The following CBLN2 variants were observed in gnomAD, a reference collection of about 807,000 sequenced individuals.
CBLN2 encodes the protein cerebellin 2 precursor, also known as cerebellin-2.
Under a neutral mutation model 15.0 loss-of-function variants are expected in CBLN2, and 7 were observed. The observed-to-expected ratio is 0.47, with a 90% CI of 0.27 to 0.88. CBLN2 has a LOEUF of 0.88. CBLN2 is among the 40% of genes least tolerant of loss of function. The pLI is 0.14. For synonymous variants in CBLN2, 149 were observed against 135.2 expected, an observed-to-expected ratio of 1.10 and a Z score of -0.71; for missense variants, 242 against 304.5, an observed-to-expected ratio of 0.79 and a Z score of 1.53.
chr18:72,593,334 C>A lies in CBLN2; in HGVS notation c.15+44991G>T, dbSNP rs564551898. On this transcript the variant is annotated intron_variant, in intron 1 of 2. Coordinates refer to the CBLN2 transcript ENST00000581073. ...TTTTCATTGTCGGCATATAGAAATG[C>A]TACCAATTTTTGTATGTTGACTTTG... Among the ~76,000 whole-genome samples, 3 of 152,200 alleles carry A rather than the reference C, an allele frequency of 2.0e-5. No individual in the cohort carries two copies. The East Asian group carries it at 5.8e-4, about 29-fold the overall frequency.
chr18:72,585,145 C>T (rs1218059472), intron 1 of CBLN2, among the ~76,000 whole-genome samples: 1 of 152,244 alleles, frequency 6.6e-6, no homozygotes, highest in Non-Finnish European at 1.5e-5. Flanking sequence ...CCCTGGCTCA[C>T]AGAGCTCCTA....
Position 72,549,889 on chromosome 18 carries a change from A to G in CBLN2, c.16-11117T>C, listed in dbSNP as rs1216391563. ...TGGGCAAATGCTTACCTAGGGTTGA[A>G]GATTTTACGTGTTTTTGTGAAAAAA... On this transcript the variant is annotated intron_variant, in intron 1 of 2. Transcript: ENST00000581073. Among the ~76,000 whole-genome samples the G allele has an allele frequency of 3.3e-5, 5 of 151,704 alleles. No individual in the cohort carries two copies. The East Asian group carries it at 1.0e-3, about 31-fold the overall frequency.
chr18:72,539,223 A>G (rs649279), intron 3 of CBLN2: 147,368 of 161,050 alleles, frequency 0.92, 68,130 homozygotes, highest in Non-Finnish European at 0.98. Flanking sequence ...TCCATTCTGA[A>G]TGGGTAGAGA....
At chr18:72,583,419 C>T (rs370060951) in intron 1 of CBLN2, among the ~76,000 whole-genome samples, 2 of 152,122 alleles carry the variant, frequency 1.3e-5, no homozygotes, top group African/African-American at 2.4e-5. Context: ...CAAGCATACA[C>T]TCATGCTATA....
At chr18:72,637,472 T>C (rs762905247) in intron 1 of CBLN2, among the ~76,000 whole-genome samples, 14 of 152,184 alleles carry the variant, frequency 9.2e-5, no homozygotes, top group South Asian at 6.2e-4. Context: ...CAGCTGGTGG[T>C]TTTTCTGGGC....
At chr18:72,588,902 A>G (rs2069459986) in intron 1 of CBLN2, among the ~76,000 whole-genome samples, 2 of 152,230 alleles carry the variant, frequency 1.3e-5, no homozygotes, top group Non-Finnish European at 2.9e-5. Flanking sequence ...GGCAGGAAGG[A>G]AAAGTGCGCG....
At chr18:72,552,328 C>T (rs1191743349) in intron 1 of CBLN2, among the ~76,000 whole-genome samples, 3 of 152,080 alleles carry the variant, frequency 2.0e-5, no homozygotes, top group Non-Finnish European at 4.4e-5. Flanking sequence ...AGGTGATCCA[C>T]CTGCCTTGAC....
At chr18:72,616,959 C>T (rs1344224266) in intron 1 of CBLN2, among the ~76,000 whole-genome samples, 1 of 152,088 alleles carries the variant, frequency 6.6e-6, no homozygotes, top group East Asian at 1.9e-4. Context: ...AATCATTAAA[C>T]CTTTTAACAC....
chr18:72,550,597 A>C (rs1483043707), intron 1 of CBLN2, among the ~76,000 whole-genome samples: 1 of 152,236 alleles, frequency 6.6e-6, no homozygotes. Flanking sequence ...TTGAAGCCTA[A>C]GCAACTAGAA....
At chr18:72,634,854 T>C (rs1209853123) in intron 1 of CBLN2, among the ~76,000 whole-genome samples, 1 of 152,178 alleles carries the variant, frequency 6.6e-6, no homozygotes, top group African/African-American at 2.4e-5. Flanking sequence ...GCAAGCATGT[T>C]TGCTTTTGGA....
At chr18:72,560,436 C>A (rs891723228) in intron 1 of CBLN2, among the ~76,000 whole-genome samples, 1 of 151,362 alleles carries the variant, frequency 6.6e-6, no homozygotes, top group Admixed American at 6.6e-5. Context: ...TTAAGACAAC[C>A]TAGAGAATTA....
intron 1 of CBLN2, chr18:72,619,092 A>T: frequency 4.0e-6 from 3 of 747,978 alleles, no homozygotes; most frequent in Non-Finnish European, 7.3e-6. Flanking sequence ...ACCCATGAAG[A>T]GAGTAAATTT....
At chr18:72,575,570 C>G (rs1236479) in intron 1 of CBLN2, among the ~76,000 whole-genome samples, 147,117 of 152,176 alleles carry the variant, frequency 0.97, 71,254 homozygotes, top group Non-Finnish European at 1. Context: ...AGGTCCTGTA[C>G]TAAAAGCCCT....
At chr18:72,578,153 A>G (rs540434414) in intron 1 of CBLN2, among the ~76,000 whole-genome samples, 311 of 152,296 alleles carry the variant, frequency 2.0e-3, no homozygotes, top group African/African-American at 7.1e-3. Flanking sequence ...AGCACCTGGT[A>G]TACTATAAAC....
At chr18:72,597,908 C>T (rs372544019) in intron 1 of CBLN2, among the ~76,000 whole-genome samples, 91 of 152,304 alleles carry the variant, frequency 6.0e-4, no homozygotes, top group African/African-American at 1.9e-3. Flanking sequence ...GCAATGCATG[C>T]CGCCAGGCCT....
At chr18:72,555,616 T>C (rs1008466651) in intron 1 of CBLN2, among the ~76,000 whole-genome samples, 1 of 152,240 alleles carries the variant, frequency 6.6e-6, no homozygotes, top group African/African-American at 2.4e-5. Context: ...CCATTTAATT[T>C]ATCATAAGCA....
upstream of CBLN2, among the ~76,000 whole-genome samples, chr18:72,545,677 T>TA (rs75405354): frequency 0.021 from 3,247 of 152,326 alleles, 51 homozygotes; most frequent in South Asian, 0.043. Context: ...AGAACTGATT[T>TA]AAGTGTAAGC....
intron 1 of CBLN2, among the ~76,000 whole-genome samples, chr18:72,580,308 T>C (rs2069394900): frequency 6.6e-6 from 1 of 152,160 alleles, no homozygotes; most frequent in African/African-American, 2.4e-5. Flanking sequence ...TACTAACTCA[T>C]GCCAAAAATA....
At chr18:72,548,177 T>C (rs546702984), upstream of CBLN2, among the ~76,000 whole-genome samples, 2 of 152,296 alleles carry the variant, frequency 1.3e-5, no homozygotes, top group South Asian at 4.1e-4. Flanking sequence ...TGCGTGCCAC[T>C]AAGCTGCCTT....
Sources: allele counts gnomAD v4.1 joint callset (sites outside exome capture counted in the v4.1 genomes callset), GRCh38; gene constraint gnomAD v4.1.1; transcripts MANE v1.5; gene names NCBI Gene and HGNC (gene_info 2026-07-23, HGNC 2026-07-21).